Variants in CSN3 observed in about 807,000 individuals in gnomAD.
CSN3 encodes the protein kappa-casein.
Under a neutral mutation model 9.9 loss-of-function variants are expected in CSN3, and 7 were observed. That is an observed-to-expected ratio of 0.71 (90% CI 0.40 to 1.33). CSN3 has a LOEUF of 1.33. Among genes scored for constraint, CSN3 ranks in the 40% most tolerant of loss-of-function variants. The pLI, the probability that CSN3 is intolerant of heterozygous loss-of-function variation, is 0.01. For missense variants in CSN3, 253 were observed against 227.9 expected, an observed-to-expected ratio of 1.11 and a Z score of -0.71; for synonymous variants, 88 against 82.3, an observed-to-expected ratio of 1.07 and a Z score of -0.37.
chr4:70,242,942 C>T (rs554973226), intron 1 of CSN3, among the ~76,000 whole-genome samples: 2 of 152,210 alleles, frequency 1.3e-5, no homozygotes, highest in South Asian at 2.1e-4. Context: ...AGGCGTTTAA[C>T]GTATTCCTAC....
upstream of CSN3, among the ~76,000 whole-genome samples, chr4:70,241,115 G>T (rs776817645): frequency 5.3e-5 from 8 of 151,932 alleles, no homozygotes; most frequent in Non-Finnish European, 1.2e-4. Context: ...AAATGGCTGA[G>T]AAATTACTAT....
At chr4:70,247,825 A>C in exon 3 of CSN3, 1 of 1,596,352 alleles carries the variant, frequency 6.3e-7, no homozygotes, top group Non-Finnish European at 8.5e-7. Context: ...CAGGCTGTGG[A>C]GGTTCAAAAC....
At chr4:70,249,573 A>G (rs1167842602) in intron 4 of CSN3, 80 bp downstream of exon 4, 10 of 853,078 alleles carry the variant, frequency 1.2e-5, no homozygotes, top group African/African-American at 1.7e-5. Flanking sequence ...CTAAAATAGT[A>G]CAAATAGATA....
At chr4:70,246,178 C>T (rs556458233) in intron 2 of CSN3, among the ~76,000 whole-genome samples, 1 of 152,178 alleles carries the variant, frequency 6.6e-6, no homozygotes, top group African/African-American at 2.4e-5. Context: ...TTTATCCCTT[C>T]CCCCAAAATA....
At chr4:70,250,569 T>C (rs1730463060) in intron 4 of CSN3, among the ~76,000 whole-genome samples, 1 of 152,182 alleles carries the variant, frequency 6.6e-6, no homozygotes, top group South Asian at 2.1e-4. Flanking sequence ...GTAAAATTCA[T>C]ACCAGTATCC....
chr4:70,249,127 A>G, exon 4 of CSN3: 2 of 1,614,120 alleles, frequency 1.2e-6, no homozygotes, highest in South Asian at 2.2e-5. Context: ...AGCAATTAAT[A>G]ATCCATATGT....
upstream of CSN3, among the ~76,000 whole-genome samples, chr4:70,240,112 C>G (rs1178021836): frequency 6.6e-6 from 1 of 151,792 alleles, no homozygotes; most frequent in Non-Finnish European, 1.5e-5. Flanking sequence ...ATGTAAATAC[C>G]ATCAAGGGAA....
upstream of CSN3, among the ~76,000 whole-genome samples, chr4:70,241,471 G>A (rs1189579945): frequency 6.6e-6 from 1 of 152,034 alleles, no homozygotes; most frequent in Non-Finnish European, 1.5e-5. Context: ...ATTATTTCTT[G>A]TTTGTGTTCT....
At chr4:70,242,974 T>G (rs1210744576) in intron 1 of CSN3, among the ~76,000 whole-genome samples, 1 of 152,138 alleles carries the variant, frequency 6.6e-6, no homozygotes, top group African/African-American at 2.4e-5. Context: ...GAGAGTTAAC[T>G]CCACAGGAAG....
upstream of CSN3, among the ~76,000 whole-genome samples, chr4:70,242,168 T>G (rs930081835): frequency 1.6e-5 from 2 of 121,396 alleles, no homozygotes; most frequent in Non-Finnish European, 3.4e-5. Context: ...ATTAATATTT[T>G]TAAAAATTCT....
intron 4 of CSN3, among the ~76,000 whole-genome samples, chr4:70,250,573 A>G (rs1228663623): frequency 6.6e-6 from 1 of 152,194 alleles, no homozygotes; most frequent in Non-Finnish European, 1.5e-5. Flanking sequence ...AATTCATACC[A>G]GTATCCTAAG....
At chr4:70,242,936 G>A (rs371867164) in intron 1 of CSN3, among the ~76,000 whole-genome samples, 8 of 152,066 alleles carry the variant, frequency 5.3e-5, no homozygotes, top group Non-Finnish European at 1.0e-4. Context: ...ACAAGAAGGC[G>A]TTTAACGTAT....
At chr4:70,244,788 A>T (rs1450293623) in intron 1 of CSN3, 24 bp from the exon 2 acceptor site, 7 of 1,388,440 alleles carry the variant, frequency 5.0e-6, no homozygotes, top group African/African-American at 1.5e-5. Flanking sequence ...TTTTAAATTA[A>T]TTTTTTTTTA....
At chr4:70,241,697 TAAAAC>T, upstream of CSN3, among the ~76,000 whole-genome samples, 1 of 151,718 alleles carries the variant, frequency 6.6e-6, no homozygotes, top group Non-Finnish European at 1.5e-5. Flanking sequence ...TGACTTTCCT[TAAAAC>T]AGAACAATTA....
intron 2 of CSN3, among the ~76,000 whole-genome samples, chr4:70,247,561 C>T (rs1323605075): frequency 6.6e-6 from 1 of 151,710 alleles, no homozygotes; most frequent in Admixed American, 6.6e-5. Flanking sequence ...CTAGATTTTT[C>T]CCACAGTGAC....
intron 2 of CSN3, 134 bp from the exon 3 acceptor site, chr4:70,247,684 C>T (rs1365357757): frequency 1.4e-6 from 1 of 725,858 alleles, no homozygotes; most frequent in Admixed American, 3.1e-5. Context: ...ATAGATCACT[C>T]ATGAAAAATG....
chr4:70,247,008 A>G (rs1309512220), intron 2 of CSN3, among the ~76,000 whole-genome samples: 1 of 152,076 alleles, frequency 6.6e-6, no homozygotes, highest in East Asian at 1.9e-4. Flanking sequence ...ATGATTTAAT[A>G]TATTTAAAGA....
chr4:70,240,061 G>A (rs939349004), upstream of CSN3, among the ~76,000 whole-genome samples: 1 of 151,820 alleles, frequency 6.6e-6, no homozygotes, highest in Non-Finnish European at 1.5e-5. Flanking sequence ...TAATGAAGTG[G>A]CTGAGAAATA....
intron 3 of CSN3, among the ~76,000 whole-genome samples, chr4:70,248,054 T>C (rs1364182015): frequency 6.6e-6 from 1 of 152,202 alleles, no homozygotes; most frequent in Non-Finnish European, 1.5e-5. Flanking sequence ...TATTTTCTTA[T>C]ATAACCCAAA....
Sources: allele counts gnomAD v4.1 joint callset (sites outside exome capture counted in the v4.1 genomes callset), GRCh38; gene constraint gnomAD v4.1.1; transcripts MANE v1.5; gene names NCBI Gene and HGNC (gene_info 2026-07-23, HGNC 2026-07-21).